Variants in CCDC146 observed in about 807,000 individuals in gnomAD.
CCDC146 encodes coiled-coil domain-containing protein 146.
A neutral mutation model predicts 119.3 loss-of-function variants in CCDC146; 92 were observed. That is an observed-to-expected ratio of 0.77 (90% CI 0.65 to 0.92). CCDC146 has a LOEUF of 0.92. Among genes scored for constraint, CCDC146 ranks in the 40% least tolerant of loss-of-function variants. The pLI, the probability that CCDC146 is intolerant of heterozygous loss-of-function variation, is 0.00. For missense variants in CCDC146, 1,000 were observed against 1,103.0 expected (o/e 0.91, Z 1.32); for synonymous variants, 372 against 371.8 (o/e 1.00, Z -0.01).
At chr7:77,123,991 G>A (rs1790661061) in intron 1 of CCDC146, among the ~76,000 whole-genome samples, 1 of 152,104 alleles carries the variant, frequency 6.6e-6, no homozygotes, top group African/African-American at 2.4e-5. Flanking sequence ...AAAATTGACA[G>A]GTGTAACTTT....
At chr7:77,218,221 A>G (rs1675339061) in intron 2 of CCDC146, among the ~76,000 whole-genome samples, 1 of 151,914 alleles carries the variant, frequency 6.6e-6, no homozygotes, top group Non-Finnish European at 1.5e-5. Context: ...GTATGTAGGT[A>G]TGTGTGTATA....
chr7:77,274,565 G>A lies in CCDC146; in HGVS notation c.1353G>A (p.Met451Ile). 6.2e-7 allele frequency: 1 copy of A among 1,613,038 alleles called. No individual in the cohort carries two copies. Among genetic ancestry groups the A allele is most frequent in the Non-Finnish European group, 8.5e-7 (1 of 1,179,344 alleles). ...AGCTTTTAAAGGAGCAAGAAAACAT[G>A]AAAGAGCTAGTAGTCAACCTTCTCC... Reference protein sequence around the residue: ...ENKLLKEQENMKELVVNLLRM... With the variant: ...ENKLLKEQENIKELVVNLLRM... The change falls in exon 11 of 19, where the codon ATG (methionine) becomes ATA (isoleucine). Residue 451 changes from methionine to isoleucine, a missense_variant. Met to Ile is a conservative substitution (Grantham distance 10). Coordinates refer to ENST00000285871, the MANE Select transcript of CCDC146 (RefSeq NM_020879.3).
chr7:77,283,464 G>A (rs1164691963), intron 15 of CCDC146, among the ~76,000 whole-genome samples: 3 of 152,038 alleles, frequency 2.0e-5, no homozygotes, highest in African/African-American at 7.2e-5. Flanking sequence ...TGTTCCCATT[G>A]ACCAATGTAG....
chr7:77,217,298 C>T (rs1301271231), intron 2 of CCDC146, among the ~76,000 whole-genome samples: 1 of 151,322 alleles, frequency 6.6e-6, no homozygotes, highest in Non-Finnish European at 1.5e-5. Flanking sequence ...AACCAGGGAG[C>T]CATTCTTTCA....
intron 4 of CCDC146, among the ~76,000 whole-genome samples, chr7:77,252,135 C>T (rs747966565): frequency 1.3e-5 from 2 of 152,022 alleles, no homozygotes; most frequent in African/African-American, 2.4e-5. Context: ...GGGAACAGAG[C>T]GAGACTCCAT....
chr7:77,179,037 G>A (rs1235096567), intron 2 of CCDC146, among the ~76,000 whole-genome samples: 1 of 152,110 alleles, frequency 6.6e-6, no homozygotes, highest in Non-Finnish European at 1.5e-5. Flanking sequence ...TGTCCATCTA[G>A]TAACCAGACT....
rs1365220766 is a variant in CCDC146, at chr7:77,294,991, A to G, written c.*125A>G. 3 of 733,294 alleles carry G rather than the reference A, an allele frequency of 4.1e-6. No homozygotes were observed. Among genetic ancestry groups the G allele is most frequent in the Non-Finnish European group, 6.6e-6 (3 of 453,884 alleles). 45.4% of individuals were successfully genotyped at this position (733,294 alleles called of 1,614,324 possible). A position where few individuals can be genotyped will look rare whatever the true frequency, so the allele number is the denominator to read the frequency against. The stretch of plus-strand genomic sequence containing the variant: ...ATAAGTAAGGTAACCACAATTAGTC[A>G]GCAACAGAGTACAACAGGGTTTCTA... On this transcript the variant is annotated 3_prime_UTR_variant, in exon 19 of 19. Transcript: ENST00000285871.
rs948482673 is a variant in CCDC146, at chr7:77,262,942, G to A, written c.1173+635G>A. Among the ~76,000 whole-genome samples, 2 of 152,192 alleles carry A rather than the reference G, an allele frequency of 1.3e-5. 1 individual carries two copies. Among genetic ancestry groups the A allele is most frequent in the South Asian group, 4.1e-4 (2 of 4,826 alleles). On this transcript the variant is annotated intron_variant, in intron 9 of 18. Transcript: ENST00000285871. Reference sequence around the variant, plus strand: ...ACCAAGCGCCACTGAAAGGGCAGAGGATCCTTGAGAGGGCTTCAGCCTTGT... The same window carrying A: ...ACCAAGCGCCACTGAAAGGGCAGAGAATCCTTGAGAGGGCTTCAGCCTTGT...
At chr7:77,156,821 G>A (rs928114248) in intron 1 of CCDC146, among the ~76,000 whole-genome samples, 4 of 151,966 alleles carry the variant, frequency 2.6e-5, no homozygotes, top group African/African-American at 9.7e-5. Flanking sequence ...AATATTCTGA[G>A]CCTGTCATAT....
chr7:77,141,207 A>G (rs947810883), intron 1 of CCDC146, among the ~76,000 whole-genome samples: 3 of 152,080 alleles, frequency 2.0e-5, no homozygotes, highest in African/African-American at 7.2e-5. Flanking sequence ...CCTGAGAATG[A>G]TGGTTTCCAG....
intron 1 of CCDC146, among the ~76,000 whole-genome samples, chr7:77,155,857 T>C (rs1584029874): frequency 6.6e-6 from 1 of 152,164 alleles, no homozygotes; most frequent in Admixed American, 6.6e-5. Flanking sequence ...TGCCCCATCA[T>C]GAGCCCACAT....
chr7:77,147,579 TG>T (rs754070363), intron 1 of CCDC146, among the ~76,000 whole-genome samples: 24 of 152,212 alleles, frequency 1.6e-4, no homozygotes, highest in Non-Finnish European at 2.6e-4. Context: ...GACGTACAGA[TG>T]GGGTTTTTGT....
chr7:77,291,139 G>A (rs760828553), intron 17 of CCDC146, among the ~76,000 whole-genome samples: 70 of 152,156 alleles, frequency 4.6e-4, no homozygotes, highest in Non-Finnish European at 2.5e-4. Context: ...GACAAAAATA[G>A]TGAAATACAT....
chr7:77,195,596 TG>T (rs1791852056), intron 2 of CCDC146: 1 of 152,192 alleles, frequency 6.6e-6, no homozygotes, highest in Non-Finnish European at 1.5e-5. Flanking sequence ...TACCTTCAGA[TG>T]TGCTTAAATC....
At chr7:77,231,324 T>A (rs987080884) in intron 2 of CCDC146, among the ~76,000 whole-genome samples, 1 of 152,152 alleles carries the variant, frequency 6.6e-6, no homozygotes, top group Non-Finnish European at 1.5e-5. Flanking sequence ...AGTGAAAAAG[T>A]GAAAGTTCTC....
At chr7:77,240,792 C>A (rs1385123586) in intron 3 of CCDC146, among the ~76,000 whole-genome samples, 1 of 152,138 alleles carries the variant, frequency 6.6e-6, no homozygotes, top group Non-Finnish European at 1.5e-5. Context: ...AGGAAGTTAA[C>A]ATTCGTATAT....
intron 1 of CCDC146, among the ~76,000 whole-genome samples, chr7:77,153,539 G>A (rs2539174): frequency 0.52 from 73,765 of 141,214 alleles, 19,572 homozygotes; most frequent in African/African-American, 0.61. Context: ...AAGTGTATTA[G>A]AAGATAATAT....
intron 1 of CCDC146, among the ~76,000 whole-genome samples, chr7:77,133,867 A>C (rs1790823550): frequency 6.6e-6 from 1 of 151,862 alleles, no homozygotes; most frequent in Non-Finnish European, 1.5e-5. Flanking sequence ...ACACACACAT[A>C]TATGCTTCTA....
Position 77,282,633 on chromosome 7 carries a change from C to T in CCDC146, c.1996C>T (p.Leu666=). The T allele has an allele frequency of 1.2e-6, 2 of 1,612,546 alleles. No individual in the cohort carries two copies. The highest frequency in any genetic ancestry group is 1.7e-6 in the Non-Finnish European group (2 of 1,178,658). ...AATAAATATCCAAGAGAAGATGAAA[C>T]TAAATGGAGAAATTGAAATACATCT... ...EKINIQEKMK[L]NGEIEIHLLE... Residue 666 remains leucine, a synonymous_variant, in exon 15 of 19, where the codon CTA becomes TTA. Transcript: ENST00000285871.
Sources: gnomAD v4.1 joint callset for allele counts (sites outside exome capture counted in the v4.1 genomes callset) on GRCh38, gnomAD v4.1.1 for gene constraint, MANE v1.5 for transcripts, NCBI Gene and HGNC (gene_info 2026-07-23, HGNC 2026-07-21) for gene names.